The following STAG1 variants were observed in gnomAD, a reference collection of about 807,000 sequenced individuals.
STAG1 encodes STAG1 cohesin complex component.
STAG1 carries 26 observed loss-of-function variants against 170.9 expected under a neutral mutation model. The ratio of observed to expected loss-of-function variants is 0.15; its 90% CI spans 0.11 to 0.21. The LOEUF (loss-of-function observed/expected upper bound fraction) is 0.21. STAG1 is among the 10% of genes least tolerant of loss of function. STAG1 has a pLI of 1.00. For missense variants in STAG1, 964 were observed against 1,509.5 expected (o/e 0.64, Z 5.99); for synonymous variants, 514 against 497.7 (o/e 1.03, Z -0.44).
chr3:136,558,511 T>C (rs1198556104), intron 5 of STAG1, among the ~76,000 whole-genome samples: 2 of 152,232 alleles, frequency 1.3e-5, no homozygotes, highest in South Asian at 4.1e-4. Context: ...TGGTTAACTG[T>C]TATGTGAAAA....
intron 22 of STAG1, among the ~76,000 whole-genome samples, chr3:136,384,699 C>T (rs967579051): frequency 2.7e-5 from 4 of 149,756 alleles, no homozygotes; most frequent in Non-Finnish European, 5.9e-5. Context: ...GCCTGGGAGG[C>T]GGAGGTTGCA....
chr3:136,375,963 C>T (rs112277160), intron 23 of STAG1, among the ~76,000 whole-genome samples: 14 of 87,664 alleles, frequency 1.6e-4, no homozygotes, highest in African/African-American at 5.5e-4. Context: ...TGGGAGACTC[C>T]GTCTCAAAAT....
chr3:136,514,148 T>C (rs539453709), intron 7 of STAG1, among the ~76,000 whole-genome samples: 77 of 152,330 alleles, frequency 5.1e-4, no homozygotes, highest in Non-Finnish European at 3.5e-4. Flanking sequence ...TATTCTAGTG[T>C]ACAATATGAA....
At chr3:136,644,521 G>C (rs985324244) in intron 1 of STAG1, among the ~76,000 whole-genome samples, 2 of 152,038 alleles carry the variant, frequency 1.3e-5, no homozygotes, top group Non-Finnish European at 2.9e-5. Context: ...AAAAACCCAC[G>C]GAATTAGTAA....
At position 136,520,994 on chromosome 3, in the gene STAG1, G is replaced by C. The variant is rs559437198; in HGVS notation, c.676+219C>G. The stretch of plus-strand genomic sequence containing the variant: ...ATGTACATTAGTAACTAAACATTCA[G>C]ACAGACATTTGATGACACTGGCCAG... On this transcript the variant is annotated intron_variant, in intron 7 of 33. Coordinates refer to ENST00000383202, the MANE Select transcript of STAG1 (RefSeq NM_005862.3). Among the ~76,000 whole-genome samples, 4 of 152,176 alleles carry C rather than the reference G, an allele frequency of 2.6e-5. No homozygotes were observed. In the South Asian group the frequency reaches 6.2e-4, roughly 24 times the overall value.
intron 5 of STAG1, among the ~76,000 whole-genome samples, chr3:136,548,047 C>T (rs1236604956): frequency 1.3e-5 from 2 of 152,064 alleles, no homozygotes; most frequent in African/African-American, 2.4e-5. Context: ...ACGTGAATTA[C>T]TTCTGGGCTC....
intron 1 of STAG1, among the ~76,000 whole-genome samples, chr3:136,657,095 T>C (rs774460884): frequency 2.6e-5 from 4 of 151,584 alleles, no homozygotes; most frequent in Non-Finnish European, 4.4e-5. Context: ...ATGAGAAGAA[T>C]TGCTTATGAT....
intron 14 of STAG1, among the ~76,000 whole-genome samples, chr3:136,451,803 TA>T (rs2088950773): frequency 1.3e-5 from 2 of 151,628 alleles, no homozygotes; most frequent in Non-Finnish European, 2.9e-5. Context: ...TGCAATACTG[TA>T]AAAGTTTAAC....
In STAG1 at chr3:136,568,761, G is replaced by T; in HGVS notation, c.394+4C>A. On this transcript the variant is annotated splice_donor_region_variant and intron_variant, in intron 5 of 33. Coordinates refer to ENST00000383202, the MANE Select transcript of STAG1 (RefSeq NM_005862.3). ...TGTACATCATTTATTTCAACATTCT[G>T]TACCTCGACATCCTGAACACTGGAT... 1.2e-6 allele frequency: 2 copies of T among 1,606,390 alleles called. No homozygotes were observed. Among genetic ancestry groups the T allele is most frequent in the Non-Finnish European group, 1.7e-6 (2 of 1,174,674 alleles).
chr3:136,682,446 A>AT (rs1559948413), intron 1 of STAG1, among the ~76,000 whole-genome samples: 4 of 146,398 alleles, frequency 2.7e-5, no homozygotes, highest in African/African-American at 7.4e-5. Context: ...AAAAAAATAA[A>AT]ATATATATAT....
intron 3 of STAG1, among the ~76,000 whole-genome samples, chr3:136,611,647 ACCACAC>A (rs1446430152): frequency 8.0e-6 from 1 of 124,418 alleles, no homozygotes; most frequent in Admixed American, 8.6e-5. Flanking sequence ...AGCACTAGCC[ACCACAC>A]CCAGCTTTTT....
At chr3:136,648,882 A>G (rs1311167977) in intron 1 of STAG1, among the ~76,000 whole-genome samples, 2 of 152,192 alleles carry the variant, frequency 1.3e-5, no homozygotes, top group African/African-American at 4.8e-5. Context: ...CCCTAGAGCC[A>G]GACTGATTTA....
chr3:136,640,891 T>C (rs1007892528), intron 1 of STAG1, among the ~76,000 whole-genome samples: 5 of 152,200 alleles, frequency 3.3e-5, no homozygotes, highest in African/African-American at 1.2e-4. Flanking sequence ...GCCAGGCTGG[T>C]CTCCAACTCC....
At chr3:136,528,438 A>G (rs1245537590) in intron 6 of STAG1, among the ~76,000 whole-genome samples, 1 of 151,892 alleles carries the variant, frequency 6.6e-6, no homozygotes, top group Non-Finnish European at 1.5e-5. Flanking sequence ...GAAAAAGCAA[A>G]GAAACTTGAC....
chr3:136,582,024 T>C (rs891187211), intron 4 of STAG1, among the ~76,000 whole-genome samples: 22 of 152,154 alleles, frequency 1.4e-4, no homozygotes, highest in Non-Finnish European at 1.3e-4. Context: ...AAAAAAGTAA[T>C]AAACATTATT....
At chr3:136,638,774 C>T (rs376526090) in intron 1 of STAG1, among the ~76,000 whole-genome samples, 4 of 151,942 alleles carry the variant, frequency 2.6e-5, no homozygotes, top group Non-Finnish European at 4.4e-5. Context: ...TGGTAGCATG[C>T]GCCCGTAATC....
intron 4 of STAG1, among the ~76,000 whole-genome samples, chr3:136,595,448 C>T (rs928138500): frequency 6.6e-5 from 10 of 152,020 alleles, no homozygotes; most frequent in Non-Finnish European, 1.3e-4. Flanking sequence ...GAACTTTCTA[C>T]TTTGGGAGGC....
intron 13 of STAG1, among the ~76,000 whole-genome samples, chr3:136,452,408 C>T (rs2088969995): frequency 7.3e-5 from 11 of 151,550 alleles, no homozygotes; most frequent in Admixed American, 7.2e-4. Flanking sequence ...ACTAAAAATA[C>T]AAAAAATTAG....
intron 1 of STAG1, among the ~76,000 whole-genome samples, chr3:136,659,920 T>C (rs1228640723): frequency 6.6e-6 from 1 of 152,218 alleles, no homozygotes; most frequent in Admixed American, 6.5e-5. Flanking sequence ...AGTTCATATC[T>C]GTAATCCCAG....
Sources: gnomAD v4.1 joint callset for allele counts (sites outside exome capture counted in the v4.1 genomes callset) on GRCh38, gnomAD v4.1.1 for gene constraint, MANE v1.5 for transcripts, NCBI Gene and HGNC (gene_info 2026-07-23, HGNC 2026-07-21) for gene names.